Variants in SYNE2 observed in about 807,000 individuals in gnomAD.
SYNE2 encodes spectrin repeat containing nuclear envelope protein 2.
Under a neutral mutation model 856.3 loss-of-function variants are expected in SYNE2, and 431 were observed. The ratio of observed to expected loss-of-function variants is 0.50; its 90% confidence interval spans 0.47 to 0.55. SYNE2 has a LOEUF of 0.55. Ranked by LOEUF, SYNE2 falls within the 20% of genes least tolerant of loss-of-function variation. The probability of loss-of-function intolerance (pLI) is 0.00; values close to 1 mark genes in which losing one functional copy is unlikely to be tolerated. For missense variants in SYNE2, 8,129 were observed against 8,023.2 expected, an observed-to-expected ratio of 1.01 and a Z score of -0.50; for synonymous variants, 2,923 against 2,872.3, an observed-to-expected ratio of 1.02 and a Z score of -0.56.
At position 64,125,070 on chromosome 14, in the gene SYNE2, G is replaced by A; in HGVS notation, c.13423-9G>A. The A allele has an allele frequency of 1.2e-6, 2 of 1,614,052 alleles. No homozygotes were observed. The highest frequency in any genetic ancestry group is 1.7e-6 in the Non-Finnish European group (2 of 1,179,962). On this transcript the variant is annotated splice_polypyrimidine_tract_variant and intron_variant, in intron 70 of 115. Coordinates refer to ENST00000555002, the MANE Select transcript of SYNE2 (RefSeq NM_182914.3). ...ACTGTCAGTAATAGGGTTTTCCTTT[G>A]TCAAATAGGTTTCCACAAATATGGG...
At chr14:64,102,088 G>A in intron 64 of SYNE2, 46 bp downstream of exon 64, 1 of 1,310,186 alleles carries the variant, frequency 7.6e-7, no homozygotes. Flanking sequence ...CGAGGGCCCA[G>A]GGGGGAGCAG....
At chr14:64,043,414 C>A (rs980692257) in intron 45 of SYNE2, among the ~76,000 whole-genome samples, 2 of 152,168 alleles carry the variant, frequency 1.3e-5, no homozygotes, top group African/African-American at 2.4e-5. Flanking sequence ...GAATGTTAAT[C>A]CCCAAGACAA....
At chr14:63,937,637 G>C (rs532040966) in intron 2 of SYNE2, among the ~76,000 whole-genome samples, 1 of 152,178 alleles carries the variant, frequency 6.6e-6, no homozygotes, top group Non-Finnish European at 1.5e-5. Context: ...TCTGGGGACA[G>C]GGAGAGGGCC....
At chr14:63,929,685 T>C (rs1400146003) in intron 2 of SYNE2, among the ~76,000 whole-genome samples, 1 of 151,206 alleles carries the variant, frequency 6.6e-6, no homozygotes, top group African/African-American at 2.4e-5. Flanking sequence ...GCAGGAGAAT[T>C]GCATGAACAC....
At chr14:63,993,692 C>T in intron 21 of SYNE2, 143 bp from the exon 22 acceptor site, 1 of 717,600 alleles carries the variant, frequency 1.4e-6, no homozygotes, top group Non-Finnish European at 2.3e-6. Context: ...AGAGAAGTCT[C>T]CTATAAATCT....
chr14:63,915,511 A>G (rs1432097337), intron 2 of SYNE2, among the ~76,000 whole-genome samples: 2 of 152,204 alleles, frequency 1.3e-5, no homozygotes, highest in Admixed American at 1.3e-4. Flanking sequence ...ATTATCATTA[A>G]TTAGGCACTG....
chr14:64,058,458 C>T (rs1055654063), intron 49 of SYNE2, among the ~76,000 whole-genome samples: 1 of 151,922 alleles, frequency 6.6e-6, no homozygotes, highest in Non-Finnish European at 1.5e-5. Context: ...CCCATTATCT[C>T]TCCCTCTACC....
chr14:63,918,027 A>C (rs895982390), intron 2 of SYNE2, among the ~76,000 whole-genome samples: 1 of 152,184 alleles, frequency 6.6e-6, no homozygotes, highest in Non-Finnish European at 1.5e-5. Context: ...TGGGTTAACA[A>C]AGATCTCATT....
At chr14:63,942,229 T>G (rs1429817878) in intron 6 of SYNE2, 86 bp downstream of exon 6, 2 of 836,754 alleles carry the variant, frequency 2.4e-6, no homozygotes, top group Non-Finnish European at 2.0e-6. Flanking sequence ...TGGACTAGAT[T>G]CAGTCCTGAG....
intron 93 of SYNE2, 107 bp from the exon 94 acceptor site, chr14:64,170,121 A>G (rs2098403606): frequency 5.6e-6 from 6 of 1,078,006 alleles, no homozygotes; most frequent in Middle Eastern, 2.9e-4. Flanking sequence ...GATTTTTTTC[A>G]TGTAAATTGT....
chr14:64,055,555 G>A (rs2097261882), intron 48 of SYNE2, among the ~76,000 whole-genome samples: 1 of 151,860 alleles, frequency 6.6e-6, no homozygotes, highest in Non-Finnish European at 1.5e-5. Flanking sequence ...TTTTAGTAGA[G>A]ATGGGGTTTC....
intron 27 of SYNE2, 51 bp downstream of exon 27, chr14:63,999,091 G>A: frequency 6.4e-7 from 1 of 1,560,938 alleles, no homozygotes; most frequent in Non-Finnish European, 8.8e-7. Flanking sequence ...TTAGAAAATA[G>A]TACCACTGTG....
intron 99 of SYNE2, among the ~76,000 whole-genome samples, chr14:64,198,442 C>G (rs763859060): frequency 4.6e-5 from 7 of 152,206 alleles, no homozygotes; most frequent in Admixed American, 2.6e-4. Flanking sequence ...CTGTACAGAA[C>G]AGAACGATAC....
intron 20 of SYNE2, 152 bp from the exon 21 acceptor site, chr14:63,990,790 T>G (rs2096660808): frequency 1.3e-6 from 1 of 770,242 alleles, no homozygotes; most frequent in South Asian, 1.7e-5. Flanking sequence ...ATATCTAAAT[T>G]TAGATAGATT....
intron 2 of SYNE2, among the ~76,000 whole-genome samples, chr14:63,912,102 C>T (rs567988183): frequency 4.6e-5 from 7 of 152,234 alleles, no homozygotes; most frequent in African/African-American, 1.2e-4. Context: ...TCACATTAGC[C>T]AGGTACCCTC....
intron 2 of SYNE2, among the ~76,000 whole-genome samples, chr14:63,921,689 G>T (rs2095603137): frequency 6.6e-6 from 1 of 152,148 alleles, no homozygotes; most frequent in Admixed American, 6.5e-5. Context: ...GTTTGGGGCA[G>T]CCCGAAATAT....
In SYNE2 at chr14:64,114,907, A is replaced by G. The variant is rs559384824; in HGVS notation, c.12840+1336A>G. ...AAGTGCTGGATTACAGGCGTGAGCT[A>G]TCATGCCCAGCCCAAAAGTCAGTTC... On this transcript the variant is annotated intron_variant, in intron 66 of 115. Coordinates refer to ENST00000555002, the MANE Select transcript of SYNE2 (RefSeq NM_182914.3). Among the ~76,000 whole-genome samples, 56 of 152,322 alleles carry G rather than the reference A, an allele frequency of 3.7e-4. 1 individual carries two copies. Among genetic ancestry groups the G allele is most frequent in the South Asian group, 3.3e-3 (16 of 4,828 alleles).
intron 38 of SYNE2, 92 bp downstream of exon 38, chr14:64,022,955 A>C (rs2096947928): frequency 4.0e-6 from 3 of 751,724 alleles, no homozygotes; most frequent in South Asian, 3.1e-5. Flanking sequence ...GAGGCTGGGC[A>C]TGGTAACTCA....
chr14:64,076,016 T>C lies in SYNE2; in HGVS notation c.10938T>C (p.Tyr3646=), dbSNP rs1466601294. ...ENIMEKLRIK[Y]SEMYTIVPAE... is the part of the protein sequence containing the mutation. ...TTATGGAAAAACTGCGAATCAAGTA[T>C]TCCGAAATGTACACCATAGTCCCTG... The change falls in exon 54 of 116, where the codon TAT becomes TAC. Residue 3646 remains tyrosine (Y), a synonymous_variant. Coordinates refer to ENST00000555002, the MANE Select transcript of SYNE2 (RefSeq NM_182914.3). 2 of 1,613,982 alleles carry C rather than the reference T, an allele frequency of 1.2e-6. No individual in the cohort carries two copies. Among genetic ancestry groups the C allele is most frequent in the Middle Eastern group, 1.7e-4 (1 of 6,052 alleles).
Sources: gnomAD v4.1 joint callset for allele counts (sites outside exome capture counted in the v4.1 genomes callset) on GRCh38, gnomAD v4.1.1 for gene constraint, MANE v1.5 for transcripts, NCBI Gene and HGNC (gene_info 2026-07-23, HGNC 2026-07-21) for gene names.